Variants in TNFRSF11B observed in about 807,000 individuals in gnomAD.
The protein encoded by TNFRSF11B is tumor necrosis factor receptor superfamily member 11B.
TNFRSF11B carries 16 observed loss-of-function variants against 43.4 expected under a neutral mutation model. That is an observed-to-expected ratio of 0.37 (90% CI 0.25 to 0.56). The LOEUF (loss-of-function observed/expected upper bound fraction) is 0.56, where lower values mean the gene tolerates loss of function less well. Ranked by LOEUF, TNFRSF11B falls within the 20% of genes least tolerant of loss-of-function variation. The pLI is 0.80. For missense variants in TNFRSF11B, 444 were observed against 490.1 expected (o/e 0.91, Z 0.89); for synonymous variants, 185 against 181.8 (o/e 1.02, Z -0.14).
chr8:118,945,863 T>A (rs1212375642), intron 1 of TNFRSF11B, among the ~76,000 whole-genome samples: 1 of 152,134 alleles, frequency 6.6e-6, no homozygotes. Context: ...TTGACACCTA[T>A]TTTCCTATTT....
chr8:118,924,799 A>T (rs973534185), intron 4 of TNFRSF11B, 37 bp from the exon 5 acceptor site: 1 of 1,613,506 alleles, frequency 6.2e-7, no homozygotes, highest in Admixed American at 1.7e-5. Context: ...TGTTCACATC[A>T]TTTATATTCA....
At chr8:118,947,515 T>A (rs1812582726) in intron 1 of TNFRSF11B, among the ~76,000 whole-genome samples, 1 of 152,172 alleles carries the variant, frequency 6.6e-6, no homozygotes, top group Non-Finnish European at 1.5e-5. Flanking sequence ...ATAATGACTG[T>A]ATGCTGCTGG....
intron 1 of TNFRSF11B, among the ~76,000 whole-genome samples, chr8:118,944,797 A>T (rs183463226): frequency 2.0e-5 from 3 of 152,208 alleles, no homozygotes; most frequent in Non-Finnish European, 2.9e-5. Context: ...AATGGTGTGC[A>T]GTTGTCAAGT....
At position 118,924,628 on chromosome 8, in the gene TNFRSF11B, C is replaced by A. The variant is rs748875103; in HGVS notation, c.952G>T (p.Ala318Ser). 6.2e-7 allele frequency: 1 copy of A among 1,614,080 alleles called. No homozygotes were observed. The highest frequency in any genetic ancestry group is 8.5e-7 in the Non-Finnish European group (1 of 1,180,022). ...AGGATCTGGTCACTGGGTTTGCATG[C>A]CTTTATTGTTTTTTCAATGTCTTCT... ...GAEDIEKTIK[A>S]CKPSDQILKL... The change falls in exon 5 of 5, where the codon GCA (alanine) becomes TCA (serine). Residue 318 changes from alanine to serine, a missense_variant. Ala to Ser is a moderately conservative substitution (Grantham distance 99). Coordinates refer to ENST00000297350, the MANE Select transcript of TNFRSF11B (RefSeq NM_002546.4).
rs1357696497 is a variant in TNFRSF11B at position 118,926,600 on chromosome 8, T to C, written c.711A>G (p.Val237=). Residue 237 remains valine, a synonymous_variant, in exon 4 of 5, where the codon GTA becomes GTG. Coordinates refer to ENST00000297350, the MANE Select transcript of TNFRSF11B (RefSeq NM_002546.4). ...AGCTGTGTTGCCGTTTTATCCTCTC[T>C]ACACTCTCTGCGTTTACTTTGGTGC... is the stretch of plus-strand genomic sequence containing the variant. ...LPGTKVNAES[V]ERIKRQHSSQ... 2 of 1,614,174 alleles carry C rather than the reference T, an allele frequency of 1.2e-6. No individual in the cohort carries two copies. The highest frequency in any genetic ancestry group is 1.1e-5 in the South Asian group (1 of 91,084).
intron 2 of TNFRSF11B, among the ~76,000 whole-genome samples, chr8:118,931,694 A>G (rs939218801): frequency 3.3e-5 from 5 of 152,242 alleles, no homozygotes; most frequent in African/African-American, 1.2e-4. Context: ...TTCTGTGATT[A>G]ATTTTATAAG....
intron 1 of TNFRSF11B, among the ~76,000 whole-genome samples, 161 bp downstream of exon 1, chr8:118,951,631 G>GCATAACTT (rs1378199813): frequency 6.6e-6 from 1 of 152,146 alleles, no homozygotes; most frequent in East Asian, 1.9e-4. Context: ...GGGAAGCATG[G>GCATAACTT]CATAACTTGA....
intron 4 of TNFRSF11B, among the ~76,000 whole-genome samples, chr8:118,925,980 T>C (rs1586953073): frequency 6.6e-6 from 1 of 152,240 alleles, no homozygotes; most frequent in East Asian, 1.9e-4. Flanking sequence ...AGATTTTATC[T>C]CATTAATTCT....
intron 4 of TNFRSF11B, among the ~76,000 whole-genome samples, chr8:118,925,982 A>C (rs1443912884): frequency 6.6e-6 from 1 of 152,248 alleles, no homozygotes; most frequent in African/African-American, 2.4e-5. Context: ...ATTTTATCTC[A>C]TTAATTCTCA....
At chr8:118,931,020 C>A (rs1384430705) in intron 2 of TNFRSF11B, among the ~76,000 whole-genome samples, 1 of 152,040 alleles carries the variant, frequency 6.6e-6, no homozygotes, top group Non-Finnish European at 1.5e-5. Flanking sequence ...TTATAACCTG[C>A]CAGGCAAAAT....
chr8:118,928,413 C>G (rs942632595), intron 3 of TNFRSF11B, among the ~76,000 whole-genome samples: 13 of 152,224 alleles, frequency 8.5e-5, no homozygotes, highest in African/African-American at 3.1e-4. Context: ...TAATAACACA[C>G]AACTTGAATT....
chr8:118,941,736 AAAACAAG>A (rs887203643), intron 1 of TNFRSF11B, among the ~76,000 whole-genome samples: 1 of 151,710 alleles, frequency 6.6e-6, no homozygotes, highest in Admixed American at 6.6e-5. Flanking sequence ...ACAAAAAACA[AAAACAAG>A]AAAATCTCTG....
At chr8:118,930,559 G>A (rs1048321437) in intron 2 of TNFRSF11B, 3 of 238,090 alleles carry the variant, frequency 1.3e-5, no homozygotes, top group Non-Finnish European at 2.7e-5. Flanking sequence ...TTGCAGGCAT[G>A]CACCACCATG....
At chr8:118,931,058 G>A (rs1044209795) in intron 2 of TNFRSF11B, among the ~76,000 whole-genome samples, 2 of 152,132 alleles carry the variant, frequency 1.3e-5, no homozygotes, top group Non-Finnish European at 2.9e-5. Context: ...GAGAAATTTG[G>A]CTTTACAGTT....
rs549762510 is a variant in TNFRSF11B at position 118,948,795 on chromosome 8, A to AC, written c.30+2996_30+2997insG. Among the ~76,000 whole-genome samples the AC allele has an allele frequency of 1.1e-3, 169 of 151,212 alleles. 2 individuals carry two copies. Among genetic ancestry groups the AC allele is most frequent in the East Asian group, 5.6e-3 (29 of 5,142 alleles). On this transcript the variant is annotated intron_variant, in intron 1 of 4. Transcript: ENST00000297350. ...AACAAAAAAACAAACAAACAAACAA[A>AC]AAAAAACTTAACCACTAGGGGGAGG...
At chr8:118,927,480 A>C (rs1333109526) in intron 3 of TNFRSF11B, among the ~76,000 whole-genome samples, 2 of 152,178 alleles carry the variant, frequency 1.3e-5, no homozygotes, top group East Asian at 3.8e-4. Context: ...AATGAAAAAA[A>C]GTAAAATTAA....
intron 3 of TNFRSF11B, 103 bp downstream of exon 3, chr8:118,928,635 A>T: frequency 7.8e-7 from 1 of 1,287,322 alleles, no homozygotes; most frequent in Non-Finnish European, 1.1e-6. Flanking sequence ...AGAAAGGGAA[A>T]ATGTAAGTTT....
chr8:118,949,114 C>A (rs911650772), intron 1 of TNFRSF11B, among the ~76,000 whole-genome samples: 8 of 152,110 alleles, frequency 5.3e-5, no homozygotes, highest in Non-Finnish European at 8.8e-5. Flanking sequence ...TCCAGGAAAG[C>A]CCATGTCTAT....
intron 1 of TNFRSF11B, among the ~76,000 whole-genome samples, chr8:118,949,104 T>C (rs2129928990): frequency 6.6e-6 from 1 of 152,150 alleles, no homozygotes; most frequent in East Asian, 1.9e-4. Flanking sequence ...TAAGGAACAT[T>C]CCAGGAAAGC....
Sources: allele counts gnomAD v4.1 joint callset (sites outside exome capture counted in the v4.1 genomes callset), GRCh38; gene constraint gnomAD v4.1.1; transcripts MANE v1.5; gene names NCBI Gene and HGNC (gene_info 2026-07-23, HGNC 2026-07-21).